LGI2: variants seen among roughly 807,000 people sequenced by gnomAD.
The protein encoded by LGI2 is leucine rich repeat LGI family member 2, also known as leucine-rich repeat LGI family member 2.
A neutral mutation model predicts 52.0 loss-of-function variants in LGI2; 30 were observed. The ratio of observed to expected loss-of-function variants is 0.58; its 90% confidence interval spans 0.43 to 0.78. LGI2 has a LOEUF of 0.78. LGI2 is among the 30% of genes least tolerant of loss of function. LGI2 has a pLI of 0.00. For missense variants in LGI2, 573 were observed against 692.5 expected (o/e 0.83, Z 1.94); for synonymous variants, 270 against 271.8 (o/e 0.99, Z 0.06).
chr4:24,992,384 T>C, the LGI2 span, among the ~76,000 whole-genome samples: 8 of 152,038 alleles, frequency 5.3e-5, no homozygotes, highest in Admixed American at 1.3e-4. Context: ...CAGTGACTAC[T>C]GGCTACTCAC....
chr4:24,995,275 A>G (rs1226010005), downstream of LGI2, among the ~76,000 whole-genome samples: 1 of 152,256 alleles, frequency 6.6e-6, no homozygotes, highest in African/African-American at 2.4e-5. Context: ...CCTCATTCCT[A>G]TAAGCCAATA....
intron 6 of LGI2, among the ~76,000 whole-genome samples, chr4:25,017,736 G>A (rs1010625027): frequency 2.6e-5 from 4 of 151,976 alleles, no homozygotes; most frequent in Admixed American, 2.0e-4. Flanking sequence ...TTAAGAAAAT[G>A]AAACACTTAC....
At chr4:25,012,615 G>T in intron 6 of LGI2, 116 bp from the exon 7 acceptor site, 2 of 1,026,754 alleles carry the variant, frequency 1.9e-6, no homozygotes, top group Non-Finnish European at 1.4e-6. Flanking sequence ...AGGAGGAGGA[G>T]GATAGGAGAG....
chr4:25,011,390 A>G (rs1201901370), intron 7 of LGI2, among the ~76,000 whole-genome samples: 1 of 152,158 alleles, frequency 6.6e-6, no homozygotes, highest in East Asian at 1.9e-4. Flanking sequence ...GACGGTGGCC[A>G]GCTCATCTGA....
Position 25,003,750 on chromosome 4 carries a change from T to C in LGI2, c.1339A>G (p.Arg447Gly). 1 of 1,614,172 alleles carries C rather than the reference T, an allele frequency of 6.2e-7. No homozygotes were observed. Among genetic ancestry groups the C allele is most frequent in the Non-Finnish European group, 8.5e-7 (1 of 1,180,032 alleles). Residue 447 changes from arginine to glycine, a missense_variant, in exon 8 of 8, where the codon AGG becomes GGG. Physicochemically the swap from Arg to Gly is moderately radical, Grantham distance 125 (BLOSUM62 -2). Coordinates refer to ENST00000382114, the MANE Select transcript of LGI2 (RefSeq NM_018176.4). ...TCCACAAACTGCTTACTGTTCCACC[T>C]CATGACCCGGGAGTCCCCGATGAAG... is the stretch of plus-strand genomic sequence containing the variant. ...TRFIGDSRVM[R>G]WNSKQFVEIQ...
intron 3 of LGI2, 67 bp downstream of exon 3, chr4:25,026,801 A>G: frequency 7.8e-7 from 1 of 1,283,038 alleles, no homozygotes. Context: ...GTTCCAGCAC[A>G]GAAACCAATC....
the LGI2 span, among the ~76,000 whole-genome samples, chr4:24,993,152 G>T: frequency 6.6e-6 from 1 of 152,210 alleles, no homozygotes; most frequent in East Asian, 1.9e-4. Context: ...AAAGCCTTTA[G>T]AATAGCACCT....
rs1214358392 is a variant in LGI2, at chr4:25,019,257, A to G, written c.414-19T>C. 6.5e-7 allele frequency: 1 copy of G among 1,548,944 alleles called. No individual in the cohort carries two copies. The highest frequency in any genetic ancestry group is 8.9e-7 in the Non-Finnish European group (1 of 1,124,386). ...CAAAGAACTAGAACAAGAAAGTCAC[A>G]TTGCAATGTGATTATTATCTCATGC... On this transcript the variant is annotated intron_variant, in intron 4 of 7. Coordinates refer to ENST00000382114, the MANE Select transcript of LGI2 (RefSeq NM_018176.4).
chr4:25,005,530 A>T (rs1725368162), intron 7 of LGI2, among the ~76,000 whole-genome samples: 1 of 152,138 alleles, frequency 6.6e-6, no homozygotes, highest in Admixed American at 6.6e-5. Context: ...TACACAAATA[A>T]ATAGATACAA....
At chr4:25,006,089 C>A (rs940912615) in intron 7 of LGI2, among the ~76,000 whole-genome samples, 1 of 152,216 alleles carries the variant, frequency 6.6e-6, no homozygotes. Context: ...AAGACCTTGC[C>A]CCTTAGTGCT....
In LGI2 at chr4:25,030,863, GGCC is replaced by G; in HGVS notation, c.-173_-171del. 2 of 211,378 alleles carry G rather than the reference GGCC, an allele frequency of 9.5e-6. No homozygotes were observed. Among genetic ancestry groups the G allele is most frequent in the Non-Finnish European group, 1.7e-5 (2 of 120,876 alleles). The allele number at this position is 211,378 out of a possible 1,614,324, so 13.1% of individuals were successfully genotyped here. On this transcript the variant is annotated 5_prime_UTR_variant, in exon 1 of 8. Transcript: ENST00000382114. ...CCGAGCCGCAGCCGAGCAGCATGCT[GGCC>G]GCCACCCCCACTCGGCGCCCCCCCA...
intron 7 of LGI2, 130 bp downstream of exon 7, chr4:25,012,205 G>T: frequency 1.0e-6 from 1 of 977,106 alleles, no homozygotes; most frequent in Non-Finnish European, 1.5e-6. Flanking sequence ...GGGAAGGCTG[G>T]GACGTGTTCC....
intron 3 of LGI2, 101 bp from the exon 4 acceptor site, chr4:25,024,992 G>T: frequency 1.3e-6 from 1 of 743,386 alleles, no homozygotes; most frequent in Non-Finnish European, 2.1e-6. Flanking sequence ...AAGTATTCCT[G>T]AATTATAAGA....
downstream of LGI2, among the ~76,000 whole-genome samples, chr4:24,996,224 A>T (rs1282349679): frequency 6.6e-6 from 1 of 152,038 alleles, no homozygotes; most frequent in Non-Finnish European, 1.5e-5. Context: ...TTACATTCAC[A>T]CTCCCTGTGA....
At chr4:25,021,779 A>C (rs1725967546) in intron 4 of LGI2, among the ~76,000 whole-genome samples, 1 of 151,948 alleles carries the variant, frequency 6.6e-6, no homozygotes, top group Non-Finnish European at 1.5e-5. Flanking sequence ...AAAATACAAA[A>C]AATTAGCCAG....
At position 25,004,036 on chromosome 4, in the gene LGI2, G is replaced by A. The variant is rs144130580; in HGVS notation, c.1053C>T (p.Ser351=). The A allele has an allele frequency of 1.5e-5, 24 of 1,614,150 alleles. No individual in the cohort carries two copies. Among genetic ancestry groups the A allele is most frequent in the Non-Finnish European group, 1.7e-5 (20 of 1,180,028 alleles). The stretch of plus-strand genomic sequence containing the variant: ...CTTTGCTGTTCCATTTATAAACTGT[G>A]GACAGACCAGCCTTTGAGCTGTCTG... ...VIADSSKAGL[S]TVYKWNSKGF... is the part of the protein sequence containing the mutation. The change falls in exon 8 of 8, where the codon TCC becomes TCT. Residue 351 remains serine, a synonymous_variant. Coordinates refer to ENST00000382114, the MANE Select transcript of LGI2 (RefSeq NM_018176.4). The surrounding 1 kb of genome is among the most constrained non-coding windows in gnomAD (Gnocchi z 4.6).
intron 5 of LGI2, among the ~76,000 whole-genome samples, chr4:25,018,672 G>A (rs1218981506): frequency 1.3e-5 from 2 of 152,252 alleles, no homozygotes; most frequent in African/African-American, 4.8e-5. Flanking sequence ...GACTAGCCTG[G>A]CCAACATGGT....
chr4:25,020,336 C>T (rs1037965419), intron 4 of LGI2, among the ~76,000 whole-genome samples: 1 of 152,316 alleles, frequency 6.6e-6, no homozygotes, highest in East Asian at 1.9e-4. Flanking sequence ...ACAGCATCAA[C>T]TCTTTCTCCG....
chr4:25,024,700 T>C (rs1726084454), intron 4 of LGI2, 120 bp downstream of exon 4: 3 of 644,232 alleles, frequency 4.7e-6, no homozygotes, highest in Admixed American at 6.2e-5. Context: ...TAGAAACCTC[T>C]TGAGTAATCT....
Sources: allele counts gnomAD v4.1 joint callset (sites outside exome capture counted in the v4.1 genomes callset), GRCh38; gene constraint gnomAD v4.1.1; non-coding constraint Gnocchi (gnomAD v3.1); transcripts MANE v1.5; gene names NCBI Gene and HGNC (gene_info 2026-07-23, HGNC 2026-07-21).